Variants in ZNF679 observed in about 807,000 individuals in gnomAD.
The protein encoded by ZNF679 is zinc finger protein 679.
A neutral mutation model predicts 13.4 loss-of-function variants in ZNF679; 10 were observed. That is an observed-to-expected ratio of 0.75 (90% CI 0.46 to 1.27). The LOEUF is 1.27. Ranked by LOEUF, ZNF679 falls within the 50% of genes most tolerant of loss-of-function variation. ZNF679 has a pLI of 0.00. For synonymous variants in ZNF679, 179 were observed against 162.5 expected (o/e 1.10, Z -0.77); for missense variants, 525 against 477.8 (o/e 1.10, Z -0.92).
At chr7:64,239,952 T>A (rs1787774036) in intron 1 of ZNF679, among the ~76,000 whole-genome samples, 1 of 152,062 alleles carries the variant, frequency 6.6e-6, no homozygotes, top group Admixed American at 6.6e-5. Context: ...AGCCCACAAG[T>A]GGCACTGTGG....
rs762176872 is a variant in ZNF679, at chr7:64,265,927, G to T, written c.294G>T (p.Pro98=). ...VMCSHFTQDL[P]PELGIKDSLQ... ...GTTCTCATTTCACCCAAGACCTTCC[G>T]CCAGAGCTAGGCATAAAAGATTCAC... Residue 98 remains proline (P), a synonymous_variant, in exon 5 of 5, where the codon CCG becomes CCT. Coordinates refer to ENST00000421025, the MANE Select transcript of ZNF679 (RefSeq NM_153363.3). The T allele has an allele frequency of 1.9e-5, 31 of 1,613,476 alleles. No homozygotes were observed. Among genetic ancestry groups the T allele is most frequent in the Non-Finnish European group, 2.6e-5 (31 of 1,179,794 alleles).
rs544961943 is a variant in ZNF679 at position 64,239,841 on chromosome 7, A to G, written c.-90-9187A>G. 5.3e-5 allele frequency among the ~76,000 whole-genome samples: 8 copies of G among 152,260 alleles called. No homozygotes were observed. In the South Asian group the frequency reaches 1.7e-3, roughly 32 times the overall value. On this transcript the variant is annotated intron_variant, in intron 1 of 4. Transcript: ENST00000421025. ...AAATATTTCTTGGCTTGTCAACATG[A>G]TGATGTGATTCTCCTCTCTTGCCTG...
At chr7:64,259,058 C>G (rs1315011002) in intron 2 of ZNF679, among the ~76,000 whole-genome samples, 1 of 151,898 alleles carries the variant, frequency 6.6e-6, no homozygotes, top group Non-Finnish European at 1.5e-5. Context: ...ATTACAGGTG[C>G]CTGCCACCAC....
At chr7:64,259,042 T>C (rs1788041814) in intron 2 of ZNF679, among the ~76,000 whole-genome samples, 1 of 151,900 alleles carries the variant, frequency 6.6e-6, no homozygotes, top group Admixed American at 6.6e-5. Flanking sequence ...CTCTCTAGTA[T>C]CTGGGATTAC....
chr7:64,233,440 G>A (rs181963582), intron 1 of ZNF679, among the ~76,000 whole-genome samples: 225 of 152,038 alleles, frequency 1.5e-3, no homozygotes, highest in African/African-American at 4.8e-3. Flanking sequence ...GCAGTGAGTC[G>A]AGATGGCGCC....
chr7:64,245,318 G>C (rs1787852644), intron 1 of ZNF679, among the ~76,000 whole-genome samples: 1 of 152,030 alleles, frequency 6.6e-6, no homozygotes, highest in African/African-American at 2.4e-5. Context: ...GAGTCACCAT[G>C]CCCGGCCTGT....
At chr7:64,251,796 G>A (rs1301820582) in intron 2 of ZNF679, among the ~76,000 whole-genome samples, 6 of 152,152 alleles carry the variant, frequency 3.9e-5, no homozygotes, top group Non-Finnish European at 8.8e-5. Context: ...AACAGCACAT[G>A]ATATGAAGTG....
At chr7:64,251,585 T>TG (rs972086091) in intron 2 of ZNF679, among the ~76,000 whole-genome samples, 3 of 152,190 alleles carry the variant, frequency 2.0e-5, no homozygotes, top group Admixed American at 1.3e-4. Flanking sequence ...TGAGTTTTTT[T>TG]GGGGGAAACC....
intron 4 of ZNF679, among the ~76,000 whole-genome samples, chr7:64,261,778 T>A (rs1451798561): frequency 6.6e-6 from 1 of 152,114 alleles, no homozygotes; most frequent in Non-Finnish European, 1.5e-5. Flanking sequence ...ATTAATTTTG[T>A]GCAACCTTTC....
chr7:64,256,997 G>A (rs1788013371), intron 2 of ZNF679, among the ~76,000 whole-genome samples: 1 of 152,096 alleles, frequency 6.6e-6, no homozygotes, highest in African/African-American at 2.4e-5. Flanking sequence ...TGCCTGGCCT[G>A]TTAAACTTTT....
intron 3 of ZNF679, 95 bp from the exon 4 acceptor site, chr7:64,260,739 A>G (rs1788064847): frequency 7.9e-7 from 1 of 1,270,498 alleles, no homozygotes; most frequent in African/African-American, 1.5e-5. Context: ...ATTTTCTAGA[A>G]TTTTCTATTA....
Position 64,239,274 on chromosome 7 carries a change from C to A in ZNF679, c.-90-9754C>A, listed in dbSNP as rs144806643. 1.9e-3 allele frequency among the ~76,000 whole-genome samples: 284 copies of A among 152,242 alleles called. 1 individual carries two copies. The highest frequency in any genetic ancestry group is 6.2e-3 in the African/African-American group (256 of 41,534). On this transcript the variant is annotated intron_variant, in intron 1 of 4. Coordinates refer to ENST00000421025, the MANE Select transcript of ZNF679 (RefSeq NM_153363.3). ...CAGCACACCATTGAGGTTGTGACAC[C>A]CCTACTGGGACACAGCTTGGAGAAG...
At chr7:64,236,533 C>T (rs1167921743) in intron 1 of ZNF679, among the ~76,000 whole-genome samples, 1 of 151,988 alleles carries the variant, frequency 6.6e-6, no homozygotes, top group African/African-American at 2.4e-5. Context: ...CCTGTAATCC[C>T]AGCACTTTGT....
At chr7:64,261,777 G>C (rs1373691501) in intron 4 of ZNF679, among the ~76,000 whole-genome samples, 2 of 150,882 alleles carry the variant, frequency 1.3e-5, no homozygotes, top group Admixed American at 6.6e-5. Context: ...TATTAATTTT[G>C]TGCAACCTTT....
intron 1 of ZNF679, 101 bp from the exon 2 acceptor site, chr7:64,248,927 A>G (rs1787904078): frequency 3.6e-6 from 3 of 836,282 alleles, no homozygotes. Flanking sequence ...ACCTTATCCA[A>G]TCAGGGGCCA....
chr7:64,263,630 A>T, intron 4 of ZNF679, among the ~76,000 whole-genome samples: 1 of 152,070 alleles, frequency 6.6e-6, no homozygotes, highest in South Asian at 2.1e-4. Flanking sequence ...TCCCTCTATT[A>T]ATTCACATGA....
rs370306761 is a variant in ZNF679 at position 64,252,945 on chromosome 7, T to C, written c.39+3789T>C. Among the ~76,000 whole-genome samples, 13 of 152,368 alleles carry C rather than the reference T, an allele frequency of 8.5e-5. No homozygotes were observed. In the East Asian group the frequency reaches 2.1e-3, roughly 25 times the overall value. On this transcript the variant is annotated intron_variant, in intron 2 of 4. Coordinates refer to ENST00000421025, the MANE Select transcript of ZNF679 (RefSeq NM_153363.3). ...GTTGGCCAGGCTGGTCTCGAACTCC[T>C]GACCTCAGGTGATCCAGCCACCTGG... is the stretch of plus-strand genomic sequence containing the variant.
intron 4 of ZNF679, among the ~76,000 whole-genome samples, chr7:64,264,239 ATT>A (rs1788114021): frequency 7.3e-6 from 1 of 137,110 alleles, no homozygotes; most frequent in African/African-American, 2.5e-5. Context: ...TTACCACAAT[ATT>A]TTTTAAACTG....
At chr7:64,253,384 T>A (rs574669580) in intron 2 of ZNF679, among the ~76,000 whole-genome samples, 1 of 152,280 alleles carries the variant, frequency 6.6e-6, no homozygotes, top group East Asian at 1.9e-4. Context: ...GTCAGTTCTT[T>A]CTAGGGAGCC....
Sources: allele counts gnomAD v4.1 joint callset (sites outside exome capture counted in the v4.1 genomes callset), GRCh38; gene constraint gnomAD v4.1.1; transcripts MANE v1.5; gene names NCBI Gene and HGNC (gene_info 2026-07-23, HGNC 2026-07-21).